PCDHA2: variants seen among roughly 807,000 people sequenced by gnomAD.
The protein encoded by PCDHA2 is protocadherin alpha 2.
In PCDHA2, 58 loss-of-function variants were observed where a neutral mutation model predicts 66.0. The observed-to-expected ratio is 0.88, with a 90% CI of 0.71 to 1.09. The LOEUF is 1.09. Among genes scored for constraint, PCDHA2 ranks in the 50% least tolerant of loss-of-function variants. The probability of loss-of-function intolerance (pLI) is 0.00; values close to 1 mark genes in which losing one functional copy is unlikely to be tolerated. For synonymous variants in PCDHA2, 634 were observed against 554.0 expected (o/e 1.14, Z -2.03); for missense variants, 1,267 against 1,242.3 (o/e 1.02, Z -0.30).
At chr5:140,929,330 G>A (rs2086062257) in intron 1 of PCDHA2, 1 of 1,535,218 alleles carries the variant, frequency 6.5e-7, no homozygotes, top group Non-Finnish European at 8.8e-7. Flanking sequence ...GCCATGGTAA[G>A]CAAATTTTAT....
At chr5:140,877,159 C>G in intron 1 of PCDHA2, 2 of 1,613,818 alleles carry the variant, frequency 1.2e-6, no homozygotes, top group Non-Finnish European at 1.7e-6. Flanking sequence ...CGACAACGCG[C>G]CGGCACTGCT....
intron 1 of PCDHA2, among the ~76,000 whole-genome samples, chr5:140,846,505 G>A (rs1780519041): frequency 6.8e-6 from 1 of 146,968 alleles, no homozygotes; most frequent in Non-Finnish European, 1.5e-5. Flanking sequence ...CTCCCAAGTA[G>A]CTGGGATTAC....
chr5:140,957,597 A>G (rs1036559943), intron 1 of PCDHA2, among the ~76,000 whole-genome samples: 4 of 152,168 alleles, frequency 2.6e-5, no homozygotes, highest in Non-Finnish European at 5.9e-5. Context: ...ACTTCCCAGA[A>G]TAAACACACA....
At chr5:140,828,190 C>T in intron 1 of PCDHA2, 1 of 1,614,112 alleles carries the variant, frequency 6.2e-7, no homozygotes, top group Admixed American at 1.7e-5. Flanking sequence ...AGCTCCACTA[C>T]TCCGTACCCG....
chr5:140,928,893 T>C (rs1554206469), intron 1 of PCDHA2: 1 of 1,614,052 alleles, frequency 6.2e-7, no homozygotes, highest in African/African-American at 1.3e-5. Flanking sequence ...TTCCAGACTT[T>C]GAAGATGTCT....
intron 1 of PCDHA2, chr5:140,807,477 G>A (rs111900306): frequency 1.2e-6 from 2 of 1,613,196 alleles, no homozygotes; most frequent in Non-Finnish European, 1.7e-6. Flanking sequence ...GAGCTGTGCC[G>A]GCGGAGCGCG....
intron 1 of PCDHA2, chr5:140,862,621 C>G (rs1452170238): frequency 1.9e-6 from 1 of 528,602 alleles, no homozygotes; most frequent in Admixed American, 2.0e-5. Context: ...TAACAACCCG[C>G]GGGGCTGCCA....
intron 1 of PCDHA2, chr5:140,968,611 G>A: frequency 6.2e-7 from 1 of 1,614,194 alleles, no homozygotes; most frequent in African/African-American, 1.3e-5. Flanking sequence ...CAGACTCTGG[G>A]CAAAATGCTT....
intron 1 of PCDHA2, chr5:140,859,594 C>G (rs2045925164): frequency 6.1e-6 from 1 of 164,452 alleles, no homozygotes; most frequent in Non-Finnish European, 1.3e-5. Context: ...TGGCTCTTAG[C>G]AATTACTTTT....
At position 140,843,079 on chromosome 5, in the gene PCDHA2, C is replaced by T. The variant is rs2150351971; in HGVS notation, c.2388+45727C>T. On this transcript the variant is annotated intron_variant, in intron 1 of 3. Coordinates refer to ENST00000526136, the MANE Select transcript of PCDHA2 (RefSeq NM_018905.3). ...GCAAGCTGGTGCCGCGGTCTGTGGG[C>T]GCGGGCCACGTGGTAGCGAAGGTGC... The T allele has an allele frequency of 6.3e-6, 10 of 1,595,344 alleles. 2 individuals carry two copies. The highest frequency in any genetic ancestry group is 2.2e-5 in the East Asian group (1 of 44,804).
rs1554206636 is a variant in PCDHA2, at chr5:140,929,056, A to G, written c.2389-49893A>G. The G allele has an allele frequency of 1.2e-6, 2 of 1,614,064 alleles. No individual in the cohort carries two copies. Among genetic ancestry groups the G allele is most frequent in the Non-Finnish European group, 1.7e-6 (2 of 1,180,034 alleles). On this transcript the variant is annotated intron_variant, in intron 1 of 3. Transcript: ENST00000526136. ...TTGCGCTCAGAGCTGCTGTCGCTCTACAGAGGATCTGAGGTATGGAAGTAA... is the reference window on the plus strand; with the variant it reads ...TTGCGCTCAGAGCTGCTGTCGCTCTGCAGAGGATCTGAGGTATGGAAGTAA...
intron 1 of PCDHA2, chr5:140,858,309 A>G (rs1276572732): frequency 7.5e-6 from 12 of 1,597,070 alleles, no homozygotes; most frequent in African/African-American, 1.3e-5. Context: ...CAGAGGCGGC[A>G]GAGGGTGTGT....
In PCDHA2 at chr5:140,796,173, T is replaced by A. The variant is rs1554119744; in HGVS notation, c.1209T>A (p.Asn403Lys). ...TCAAGCTGGTGTCCACCTTCAAGAA[T>A]TACTACTCGTTGGTGCTGGACAGCG... Reference protein sequence around the residue: ...VPFKLVSTFKNYYSLVLDSAL... With the variant: ...VPFKLVSTFKKYYSLVLDSAL... The change falls in exon 1 of 4, where the codon AAT becomes AAA. Residue 403 changes from asparagine (N) to lysine (K), a missense_variant. Coordinates refer to ENST00000526136, the MANE Select transcript of PCDHA2 (RefSeq NM_018905.3). The A allele has an allele frequency of 1.2e-6, 2 of 1,614,054 alleles. No individual in the cohort carries two copies. Among genetic ancestry groups the A allele is most frequent in the Non-Finnish European group, 1.7e-6 (2 of 1,180,036 alleles).
chr5:140,823,449 C>T (rs2150125896), intron 1 of PCDHA2: 6 of 1,613,410 alleles, frequency 3.7e-6, no homozygotes, highest in South Asian at 2.2e-5. Context: ...TGGACGAGAA[C>T]GACAACGCGC....
At chr5:140,980,278 GA>G (rs1351425532) in intron 2 of PCDHA2, among the ~76,000 whole-genome samples, 1 of 152,166 alleles carries the variant, frequency 6.6e-6, no homozygotes, top group Non-Finnish European at 1.5e-5. Flanking sequence ...ACCAACTCTT[GA>G]AAAGTACCAA....
At chr5:140,850,799 C>G (rs576094644) in intron 1 of PCDHA2, 1 of 1,598,148 alleles carries the variant, frequency 6.3e-7, no homozygotes, top group Non-Finnish European at 8.6e-7. Context: ...AGAAGACCGA[C>G]CTCATGGCCT....
intron 1 of PCDHA2, among the ~76,000 whole-genome samples, chr5:140,886,739 T>C (rs1411142692): frequency 6.6e-6 from 1 of 151,488 alleles, no homozygotes; most frequent in Non-Finnish European, 1.5e-5. Context: ...AGCAAGAGAA[T>C]TGCTTGAACC....
At chr5:140,917,334 G>T (rs1466426021) in intron 1 of PCDHA2, among the ~76,000 whole-genome samples, 7 of 147,628 alleles carry the variant, frequency 4.7e-5, no homozygotes, top group Admixed American at 4.1e-4. Context: ...CGGGGGAGGG[G>T]GGGGATGGTG....
At chr5:140,802,620 T>C (rs1554122250) in intron 1 of PCDHA2, 1 of 1,613,936 alleles carries the variant, frequency 6.2e-7, no homozygotes, top group South Asian at 1.1e-5. Context: ...CTGCCACATC[T>C]TCACGGTGTC....
Sources: gnomAD v4.1 joint callset for allele counts (sites outside exome capture counted in the v4.1 genomes callset) on GRCh38, gnomAD v4.1.1 for gene constraint, MANE v1.5 for transcripts, NCBI Gene and HGNC (gene_info 2026-07-23, HGNC 2026-07-21) for gene names.